The following MEIS1 variants were observed in gnomAD, a reference collection of about 807,000 sequenced individuals.
MEIS1 encodes Meis homeobox 1.
Under a neutral mutation model 50.8 loss-of-function variants are expected in MEIS1, and 5 were observed. The observed-to-expected ratio is 0.10, with a 90% CI of 0.05 to 0.21. The LOEUF is 0.21. Ranked by LOEUF, MEIS1 falls within the 10% of genes least tolerant of loss-of-function variation. The pLI, the probability that MEIS1 is intolerant of heterozygous loss-of-function variation, is 1.00. For synonymous variants in MEIS1, 176 were observed against 179.3 expected (o/e 0.98, Z 0.15); for missense variants, 318 against 517.3 (o/e 0.61, Z 3.74).
intron 9 of MEIS1, among the ~76,000 whole-genome samples, chr2:66,561,019 C>G (rs768066477): frequency 1.3e-5 from 2 of 152,028 alleles, no homozygotes; most frequent in African/African-American, 2.4e-5. Context: ...TTTTATTTCA[C>G]AAAGAAAGGG....
intron 9 of MEIS1, among the ~76,000 whole-genome samples, chr2:66,565,280 C>T (rs1373729208): frequency 1.3e-5 from 2 of 149,576 alleles, no homozygotes; most frequent in African/African-American, 4.9e-5. Flanking sequence ...TCACTGTATT[C>T]ACTCTCTCTC....
intron 7 of MEIS1, among the ~76,000 whole-genome samples, chr2:66,476,090 T>C (rs1317841340): frequency 6.6e-6 from 1 of 152,208 alleles, no homozygotes; most frequent in African/African-American, 2.4e-5. Context: ...GTTACTCTGG[T>C]TATTATCCCC....
intron 8 of MEIS1, among the ~76,000 whole-genome samples, chr2:66,544,065 C>T (rs1347394738): frequency 6.6e-6 from 1 of 152,106 alleles, no homozygotes; most frequent in Non-Finnish European, 1.5e-5. Context: ...CCTTTAGTTG[C>T]AAAGGTTTGG....
At chr2:66,461,692 A>G (rs1000362767) in intron 6 of MEIS1, 1 of 305,472 alleles carries the variant, frequency 3.3e-6, no homozygotes, top group South Asian at 3.1e-5. Flanking sequence ...GTGGAATCCA[A>G]CATTTCTTGC....
intron 6 of MEIS1, among the ~76,000 whole-genome samples, chr2:66,455,648 G>A (rs1488969403): frequency 6.6e-6 from 1 of 152,106 alleles, no homozygotes; most frequent in African/African-American, 2.4e-5. Flanking sequence ...AGTGTTCTGT[G>A]GTATTCAGTC....
At chr2:66,548,657 G>A (rs541996282) in intron 9 of MEIS1, among the ~76,000 whole-genome samples, 35 of 152,318 alleles carry the variant, frequency 2.3e-4, no homozygotes, top group African/African-American at 7.9e-4. Flanking sequence ...GTACAGCAGT[G>A]TGGCAATGAG....
intron 6 of MEIS1, among the ~76,000 whole-genome samples, chr2:66,452,070 T>C (rs1158581659): frequency 1.3e-5 from 2 of 151,974 alleles, no homozygotes; most frequent in African/African-American, 4.8e-5. Flanking sequence ...TTTGCTATTA[T>C]GCTACAATCA....
At chr2:66,557,185 A>G (rs1372977200) in intron 9 of MEIS1, among the ~76,000 whole-genome samples, 1 of 152,154 alleles carries the variant, frequency 6.6e-6, no homozygotes, top group Non-Finnish European at 1.5e-5. Context: ...ACGACAGATG[A>G]GGCTCAGGGC....
In MEIS1 at chr2:66,500,487, C is replaced by T. The variant is rs566527922; in HGVS notation, c.743-11662C>T. 1.1e-4 allele frequency among the ~76,000 whole-genome samples: 16 copies of T among 151,988 alleles called. No homozygotes were observed. In the South Asian group the frequency reaches 1.9e-3, roughly 18 times the overall value. On this transcript the variant is annotated intron_variant, in intron 7 of 12. Transcript: ENST00000272369. ...TTACCCAGGCTGGAGTGCAGTGGCTCGATCTCCACTTGCTGCAAGCTCCGC... is the reference window on the plus strand; with the variant it reads ...TTACCCAGGCTGGAGTGCAGTGGCTTGATCTCCACTTGCTGCAAGCTCCGC...
At chr2:66,494,729 C>T (rs1185873313) in intron 7 of MEIS1, among the ~76,000 whole-genome samples, 1 of 152,172 alleles carries the variant, frequency 6.6e-6, no homozygotes, top group African/African-American at 2.4e-5. Context: ...TATGATCTCG[C>T]TTGTTCCTCA....
rs55819820 is a variant in MEIS1 at position 66,521,360 on chromosome 2, A to ATTT, written c.888+9076_888+9078dup. On this transcript the variant is annotated intron_variant, in intron 8 of 12. Coordinates refer to ENST00000272369, the MANE Select transcript of MEIS1 (RefSeq NM_002398.3). ...TAACACAGAATTTAGCTCCTTGAAG[A>ATTT]TTTTTTTTTTTTGCCTGTCACGTGG... is the stretch of plus-strand genomic sequence containing the variant. Among the ~76,000 whole-genome samples, 342 of 149,526 alleles carry ATTT rather than the reference A, an allele frequency of 2.3e-3. 4 individuals are homozygous for ATTT. Among genetic ancestry groups the ATTT allele is most frequent in the Non-Finnish European group, 7.3e-4 (49 of 67,360 alleles).
At chr2:66,470,353 G>A (rs1672737156) in intron 7 of MEIS1, among the ~76,000 whole-genome samples, 1 of 152,130 alleles carries the variant, frequency 6.6e-6, no homozygotes, top group South Asian at 2.1e-4. Flanking sequence ...AAAGAAAGAG[G>A]AAGTTATTAT....
chr2:66,545,952 G>A (rs1674779298), intron 8 of MEIS1, among the ~76,000 whole-genome samples: 1 of 152,204 alleles, frequency 6.6e-6, no homozygotes, highest in Admixed American at 6.5e-5. Context: ...AGTGGAGAGT[G>A]TCTGTCATGG....
In MEIS1 at chr2:66,443,012, T is replaced by C. The variant is rs777773287; in HGVS notation, c.594T>C (p.Ser198=). 6.2e-7 allele frequency: 1 copy of C among 1,601,842 alleles called. No homozygotes were observed. Among genetic ancestry groups the C allele is most frequent in the Non-Finnish European group, 8.5e-7 (1 of 1,175,786 alleles). ...DDREGGSKSD[S]EDITRSANLT... ...GAGAAGGAGGATCAAAATCAGACAG[T>C]GAAGATATAACAAGATCAGCAAATC... Residue 198 remains serine, a synonymous_variant, in exon 6 of 13, where the codon AGT becomes AGC. Coordinates refer to ENST00000272369, the MANE Select transcript of MEIS1 (RefSeq NM_002398.3).
intron 7 of MEIS1, among the ~76,000 whole-genome samples, chr2:66,480,291 A>T (rs1429068803): frequency 6.6e-6 from 1 of 152,236 alleles, no homozygotes; most frequent in Non-Finnish European, 1.5e-5. Flanking sequence ...CTGCATTGAA[A>T]TATTTCCCTG....
At chr2:66,456,999 C>T (rs1017132862) in intron 6 of MEIS1, among the ~76,000 whole-genome samples, 1 of 151,906 alleles carries the variant, frequency 6.6e-6, no homozygotes, top group East Asian at 1.9e-4. Context: ...AGCACGTGTG[C>T]ACAGTGAAAT....
At chr2:66,533,777 A>G (rs903345158) in intron 8 of MEIS1, among the ~76,000 whole-genome samples, 4 of 152,150 alleles carry the variant, frequency 2.6e-5, no homozygotes, top group Admixed American at 6.5e-5. Context: ...GGGCCCGTCT[A>G]TGTGGGGGTC....
At chr2:66,529,202 T>A (rs1674329430) in intron 8 of MEIS1, among the ~76,000 whole-genome samples, 1 of 152,148 alleles carries the variant, frequency 6.6e-6, no homozygotes, top group Non-Finnish European at 1.5e-5. Flanking sequence ...TCATAGTGAC[T>A]GTTTATTTAT....
chr2:66,464,224 G>A lies in MEIS1; in HGVS notation c.742+4G>A. The stretch of plus-strand genomic sequence containing the variant: ...GGGGACAACAGCAGTGAGCAAGGTA[G>A]GAGAGATGTTATTCTCTTTTGCTAC... On this transcript the variant is annotated splice_donor_region_variant and intron_variant, in intron 7 of 12. Coordinates refer to ENST00000272369, the MANE Select transcript of MEIS1 (RefSeq NM_002398.3). The A allele has an allele frequency of 1.3e-6, 2 of 1,577,948 alleles. No homozygotes were observed. Among genetic ancestry groups the A allele is most frequent in the Non-Finnish European group, 1.7e-6 (2 of 1,159,994 alleles).
Sources: gnomAD v4.1 joint callset for allele counts (sites outside exome capture counted in the v4.1 genomes callset) on GRCh38, gnomAD v4.1.1 for gene constraint, MANE v1.5 for transcripts, NCBI Gene and HGNC (gene_info 2026-07-23, HGNC 2026-07-21) for gene names.